ACER3: variants seen among roughly 807,000 people sequenced by gnomAD.
ACER3 encodes the protein alkCDase 3.
In ACER3, 16 loss-of-function variants were observed where a neutral mutation model predicts 48.9. The ratio of observed to expected loss-of-function variants is 0.33; its 90% CI spans 0.22 to 0.50. ACER3 has a LOEUF of 0.50. Ranked by LOEUF, ACER3 falls within the 20% of genes least tolerant of loss-of-function variation. The pLI is 0.98. For missense variants in ACER3, 227 were observed against 326.0 expected, an observed-to-expected ratio of 0.70 and a Z score of 2.34; for synonymous variants, 109 against 107.8, an observed-to-expected ratio of 1.01 and a Z score of -0.07.
intron 1 of ACER3, among the ~76,000 whole-genome samples, chr11:76,874,280 T>C (rs1945312627): frequency 6.6e-6 from 1 of 151,922 alleles, no homozygotes; most frequent in African/African-American, 2.4e-5. Flanking sequence ...TTACAAAAAC[T>C]GATAAAAAGA....
At chr11:76,898,846 G>A (rs904596204) in intron 1 of ACER3, among the ~76,000 whole-genome samples, 4 of 138,374 alleles carry the variant, frequency 2.9e-5, no homozygotes, top group Admixed American at 2.3e-4. Context: ...GGAGCTTGCA[G>A]TGAGCCGAGA....
Position 77,022,309 on chromosome 11 carries a change from A to G in ACER3, c.*1982A>G, listed in dbSNP as rs1555024651. On this transcript the variant is annotated 3_prime_UTR_variant, in exon 11 of 11. Coordinates refer to ENST00000532485, the MANE Select transcript of ACER3 (RefSeq NM_018367.7). ...GCCATTTAGAGCAATTTGTTTAATGAGTGGTTCAGCCATCACCACCAGTGG... is the reference window on the plus strand; with the variant it reads ...GCCATTTAGAGCAATTTGTTTAATGGGTGGTTCAGCCATCACCACCAGTGG... 4 of 152,218 alleles carry G rather than the reference A, an allele frequency of 2.6e-5. No homozygotes were observed. The highest frequency in any genetic ancestry group is 5.9e-5 in the Non-Finnish European group (4 of 68,040). The allele number at this position is 152,218 out of a possible 1,614,324, so 9.4% of individuals were successfully genotyped here. A position where few individuals can be genotyped will look rare whatever the true frequency, so the allele number is the denominator to read the frequency against.
chr11:76,912,654 T>C (rs1274088079), intron 1 of ACER3, among the ~76,000 whole-genome samples: 1 of 152,132 alleles, frequency 6.6e-6, no homozygotes, highest in African/African-American at 2.4e-5. Context: ...TCCTGAGTCT[T>C]GGTCTGAGTA....
At chr11:76,971,074 T>C (rs1948284642) in intron 3 of ACER3, among the ~76,000 whole-genome samples, 4 of 152,232 alleles carry the variant, frequency 2.6e-5, no homozygotes, top group South Asian at 4.1e-4. Context: ...TAATATTCCA[T>C]TGTATGGATA....
chr11:76,902,544 C>T (rs1342969595), intron 1 of ACER3, among the ~76,000 whole-genome samples: 1 of 152,158 alleles, frequency 6.6e-6, no homozygotes, highest in Non-Finnish European at 1.5e-5. Context: ...AGCTGCAGAC[C>T]TTAAAGTACA....
At chr11:76,944,050 T>C (rs1274557368) in intron 2 of ACER3, among the ~76,000 whole-genome samples, 1 of 151,972 alleles carries the variant, frequency 6.6e-6, no homozygotes, top group Non-Finnish European at 1.5e-5. Flanking sequence ...TGTGTCTTTA[T>C]AGGTAAGGTG....
intron 1 of ACER3, among the ~76,000 whole-genome samples, chr11:76,891,971 T>A (rs1374745221): frequency 6.6e-6 from 1 of 152,248 alleles, no homozygotes; most frequent in Non-Finnish European, 1.5e-5. Context: ...TTCTGTTTTC[T>A]TTCTTTTCCT....
chr11:76,883,726 A>C (rs976779971), intron 1 of ACER3, among the ~76,000 whole-genome samples: 2 of 152,110 alleles, frequency 1.3e-5, no homozygotes. Context: ...TACAGGTGTG[A>C]GCCACTGTGC....
At chr11:76,959,348 C>A in intron 3 of ACER3, 1 of 705,934 alleles carries the variant, frequency 1.4e-6, no homozygotes, top group Non-Finnish European at 2.0e-6. Context: ...ACAATATATT[C>A]TTATTCTGAG....
At chr11:77,003,729 T>C (rs1345991701) in intron 7 of ACER3, among the ~76,000 whole-genome samples, 1 of 152,160 alleles carries the variant, frequency 6.6e-6, no homozygotes, top group East Asian at 1.9e-4. Context: ...TCCCACAGCT[T>C]TTTATATGTT....
At chr11:76,898,224 G>A (rs968972230) in intron 1 of ACER3, among the ~76,000 whole-genome samples, 3 of 152,150 alleles carry the variant, frequency 2.0e-5, no homozygotes, top group Admixed American at 6.5e-5. Flanking sequence ...TAAGTATTAT[G>A]AAAATAGTTT....
intron 1 of ACER3, among the ~76,000 whole-genome samples, chr11:76,914,623 A>T (rs555721359): frequency 2.4e-4 from 36 of 152,298 alleles, no homozygotes; most frequent in African/African-American, 7.7e-4. Context: ...TCAACCATGG[A>T]GGAAGACAGT....
chr11:76,994,960 C>G (rs1948882579), intron 6 of ACER3, among the ~76,000 whole-genome samples: 1 of 151,964 alleles, frequency 6.6e-6, no homozygotes, highest in Non-Finnish European at 1.5e-5. Context: ...GAAAGGCTAC[C>G]TAGGGGCTGG....
rs909448749 is a variant in ACER3, at chr11:76,957,483, G to T, written c.215-1496G>T. 8.9e-6 allele frequency: 4 copies of T among 449,660 alleles called. No homozygotes were observed. In the East Asian group the frequency reaches 2.8e-4, roughly 32 times the overall value. 27.9% of individuals were successfully genotyped at this position (449,660 alleles called of 1,614,324 possible). A position where few individuals can be genotyped will look rare whatever the true frequency, so the allele number is the denominator to read the frequency against. Reference sequence around the variant, plus strand: ...TTTTGAGATGGAGTCTCACTCTGTCGCCGAGGCTGAAGTGCAGTGGCACAA... The same window carrying T: ...TTTTGAGATGGAGTCTCACTCTGTCTCCGAGGCTGAAGTGCAGTGGCACAA... On this transcript the variant is annotated intron_variant, in intron 2 of 10. Coordinates refer to ENST00000532485, the MANE Select transcript of ACER3 (RefSeq NM_018367.7).
At chr11:76,917,743 C>A (rs974996069) in intron 1 of ACER3, among the ~76,000 whole-genome samples, 1 of 151,306 alleles carries the variant, frequency 6.6e-6, no homozygotes, top group Non-Finnish European at 1.5e-5. Context: ...TGCCTTTAGT[C>A]CCAGCTACAC....
intron 2 of ACER3, among the ~76,000 whole-genome samples, chr11:76,932,891 C>G (rs1277430261): frequency 6.7e-6 from 1 of 150,264 alleles, no homozygotes; most frequent in Non-Finnish European, 1.5e-5. Flanking sequence ...AGATAAAACT[C>G]CACAATAAAG....
intron 7 of ACER3, among the ~76,000 whole-genome samples, chr11:77,009,922 G>C (rs1222264500): frequency 1.3e-5 from 2 of 151,962 alleles, no homozygotes; most frequent in African/African-American, 4.8e-5. Context: ...CAAAGTTCTT[G>C]GTATGTTTCA....
rs5792749 is a variant in ACER3, at chr11:76,917,859, CAA to C, written c.104-8683_104-8682del. Among the ~76,000 whole-genome samples, 413 of 112,974 alleles carry C rather than the reference CAA, an allele frequency of 3.7e-3. 2 individuals carry two copies. Among genetic ancestry groups the C allele is most frequent in the African/African-American group, 0.01 (252 of 24,444 alleles). The allele number at this position is 112,974 out of a possible 152,430, so 74.1% of individuals were successfully genotyped here. A position where few individuals can be genotyped will look rare whatever the true frequency, so the allele number is the denominator to read the frequency against. Reference sequence around the variant, plus strand: ...TGTGCAACAGAGAGAGACCCTGTCTCAAAAAAAAAAAAAAAAGAAAGAAAAGA... The same window carrying C: ...TGTGCAACAGAGAGAGACCCTGTCTCAAAAAAAAAAAAAAGAAAGAAAAGA... On this transcript the variant is annotated intron_variant, in intron 1 of 10. Transcript: ENST00000532485.
intron 7 of ACER3, among the ~76,000 whole-genome samples, chr11:77,008,299 AC>A (rs1949195571): frequency 6.6e-6 from 1 of 152,154 alleles, no homozygotes; most frequent in African/African-American, 2.4e-5. Flanking sequence ...TTTAATGTAG[AC>A]CCCTTAGGTA....
Sources: gnomAD v4.1 joint callset for allele counts (sites outside exome capture counted in the v4.1 genomes callset) on GRCh38, gnomAD v4.1.1 for gene constraint, MANE v1.5 for transcripts, NCBI Gene and HGNC (gene_info 2026-07-23, HGNC 2026-07-21) for gene names.